Variants in NCKAP5 observed in about 807,000 individuals in gnomAD.
NCKAP5 encodes nck-associated protein 5.
NCKAP5 carries 92 observed loss-of-function variants against 167.0 expected under a neutral mutation model. The ratio of observed to expected loss-of-function variants is 0.55; its 90% CI spans 0.47 to 0.66. The LOEUF (loss-of-function observed/expected upper bound fraction) is 0.66, where lower values mean the gene tolerates loss of function less well. Ranked by LOEUF, NCKAP5 falls within the 30% of genes least tolerant of loss-of-function variation. The probability of loss-of-function intolerance (pLI) is 0.00; values close to 1 mark genes in which losing one functional copy is unlikely to be tolerated. For missense variants in NCKAP5, 2,378 were observed against 2,315.0 expected (o/e 1.03, Z -0.56); for synonymous variants, 891 against 877.4 (o/e 1.02, Z -0.27).
intron 6 of NCKAP5, among the ~76,000 whole-genome samples, chr2:133,001,726 T>C (rs2077789252): frequency 6.6e-6 from 1 of 152,192 alleles, no homozygotes. Flanking sequence ...TTTTCTGCTA[T>C]ACTGTTATCA....
intron 3 of NCKAP5, among the ~76,000 whole-genome samples, chr2:133,315,380 G>A (rs1681529204): frequency 6.6e-6 from 1 of 152,174 alleles, no homozygotes; most frequent in Non-Finnish European, 1.5e-5. Flanking sequence ...TTTGGGGCCT[G>A]AGCAGTTGGA....
intron 2 of NCKAP5, among the ~76,000 whole-genome samples, chr2:133,536,565 T>C (rs932073189): frequency 5.9e-5 from 9 of 152,112 alleles, no homozygotes; most frequent in Non-Finnish European, 2.9e-5. Flanking sequence ...TGAAGTCATG[T>C]AATGTGATAC....
Position 133,197,550 on chromosome 2 carries a change from T to C in NCKAP5, c.207+16166A>G, listed in dbSNP as rs80317032. Among the ~76,000 whole-genome samples, 383 of 151,842 alleles carry C rather than the reference T, an allele frequency of 2.5e-3. 2 individuals carry two copies. The highest frequency in any genetic ancestry group is 9.0e-3 in the African/African-American group (373 of 41,376). The stretch of plus-strand genomic sequence containing the variant: ...GAAGAACAGGGAAAATCTCAACTCA[T>C]GAGAAGAAAAGATCAACAGATAACA... On this transcript the variant is annotated intron_variant, in intron 5 of 19. Transcript: ENST00000409261.
Position 133,071,544 on chromosome 2 carries a change from T to C in NCKAP5, c.341+58434A>G, listed in dbSNP as rs140704504. 6.8e-4 allele frequency among the ~76,000 whole-genome samples: 104 copies of C among 152,362 alleles called. 2 individuals are homozygous for C. Among genetic ancestry groups the C allele is most frequent in the Non-Finnish European group, 1.1e-3 (78 of 68,024 alleles). Reference sequence around the variant, plus strand: ...CAGAAACTGTCAGTCTTTATATTATTCTTGCTAGTCAAATTCCACTTTCTA... The same window carrying C: ...CAGAAACTGTCAGTCTTTATATTATCCTTGCTAGTCAAATTCCACTTTCTA... On this transcript the variant is annotated intron_variant, in intron 6 of 19. Coordinates refer to ENST00000409261, the MANE Select transcript of NCKAP5 (RefSeq NM_207363.3).
At chr2:133,569,249 G>A (rs545906042), upstream of NCKAP5, among the ~76,000 whole-genome samples, 1 of 151,900 alleles carries the variant, frequency 6.6e-6, no homozygotes, top group South Asian at 2.1e-4. Flanking sequence ...TCTGTCCGTT[G>A]GTTCTTATAG....
chr2:133,559,621 T>C (rs866386732), intron 1 of NCKAP5, among the ~76,000 whole-genome samples: 2 of 152,310 alleles, frequency 1.3e-5, no homozygotes, highest in East Asian at 3.9e-4. Context: ...ACCCAGCTAC[T>C]GTTGAAATTA....
chr2:132,914,655 C>T lies in NCKAP5; in HGVS notation c.580-35739G>A, dbSNP rs555975179. ...TGAATGGGATCTTGTACCCCAGTAA[C>T]GTTAAAGGACTTCTGAATTCTATGA... On this transcript the variant is annotated intron_variant, in intron 8 of 19. Coordinates refer to ENST00000409261, the MANE Select transcript of NCKAP5 (RefSeq NM_207363.3). Among the ~76,000 whole-genome samples the T allele has an allele frequency of 1.6e-4, 24 of 152,074 alleles. No individual in the cohort carries two copies. In the South Asian group the frequency reaches 3.5e-3, roughly 22 times the overall value.
At chr2:132,677,442 GTCATTCAA>G (rs1338154040) in intron 19 of NCKAP5, among the ~76,000 whole-genome samples, 3 of 152,098 alleles carry the variant, frequency 2.0e-5, no homozygotes, top group Non-Finnish European at 4.4e-5. Flanking sequence ...TAGTCAAGCA[GTCATTCAA>G]TCAAACTAAT....
intron 6 of NCKAP5, among the ~76,000 whole-genome samples, chr2:133,017,682 C>T (rs963172251): frequency 4.6e-5 from 7 of 152,034 alleles, no homozygotes; most frequent in African/African-American, 7.2e-5. Context: ...TTGACAAATC[C>T]TCATGCATGC....
chr2:132,943,770 C>T (rs1290962440), intron 8 of NCKAP5, among the ~76,000 whole-genome samples: 1 of 152,168 alleles, frequency 6.6e-6, no homozygotes, highest in Non-Finnish European at 1.5e-5. Context: ...TCCACCCAAC[C>T]AGGTAAAACT....
chr2:132,852,088 C>T (rs2105487438), intron 11 of NCKAP5, among the ~76,000 whole-genome samples: 1 of 152,206 alleles, frequency 6.6e-6, no homozygotes, highest in Middle Eastern at 3.4e-3. Flanking sequence ...ACTTTCTGTC[C>T]CTTGCATTTC....
intron 5 of NCKAP5, among the ~76,000 whole-genome samples, chr2:133,193,254 G>A (rs2085304470): frequency 6.6e-6 from 1 of 152,086 alleles, no homozygotes. Flanking sequence ...AAGGGCATGG[G>A]GAGAAGGGGA....
intron 3 of NCKAP5, among the ~76,000 whole-genome samples, chr2:133,385,504 T>C (rs1686881270): frequency 6.6e-6 from 1 of 152,226 alleles, no homozygotes; most frequent in Non-Finnish European, 1.5e-5. Flanking sequence ...TGGTCTAAAA[T>C]TCTCTTTTTT....
intron 3 of NCKAP5, among the ~76,000 whole-genome samples, chr2:133,403,935 C>G (rs1425808448): frequency 6.6e-6 from 1 of 150,508 alleles, no homozygotes; most frequent in Non-Finnish European, 1.5e-5. Flanking sequence ...TTTCACCAGT[C>G]ATACCTGAGC....
intron 5 of NCKAP5, among the ~76,000 whole-genome samples, chr2:133,167,605 T>C (rs371674511): frequency 2.6e-4 from 39 of 152,228 alleles, no homozygotes; most frequent in African/African-American, 9.2e-4. Flanking sequence ...CGAACCCTGG[T>C]CTCCTGATTC....
the NCKAP5 span, among the ~76,000 whole-genome samples, chr2:133,594,903 TTC>T: frequency 2.2e-5 from 3 of 139,476 alleles, no homozygotes; most frequent in Non-Finnish European, 3.1e-5. Flanking sequence ...CATTCATTCA[TTC>T]GACAAACACA....
At chr2:133,389,431 C>G (rs1342424934) in intron 3 of NCKAP5, among the ~76,000 whole-genome samples, 1 of 152,134 alleles carries the variant, frequency 6.6e-6, no homozygotes, top group Non-Finnish European at 1.5e-5. Flanking sequence ...ACATAGGTAC[C>G]TGAGTTAGTC....
chr2:132,795,907 TA>T (rs67838303), intron 12 of NCKAP5, among the ~76,000 whole-genome samples: 71 of 143,060 alleles, frequency 5.0e-4, no homozygotes, highest in Non-Finnish European at 7.3e-4. Context: ...ACTCCATACT[TA>T]AAAAAAAAAA....
intron 3 of NCKAP5, among the ~76,000 whole-genome samples, chr2:133,500,758 T>C (rs1575067104): frequency 6.6e-6 from 1 of 152,240 alleles, no homozygotes; most frequent in African/African-American, 2.4e-5. Context: ...TTCAGGATCA[T>C]CTTTATACGT....
Sources: gnomAD v4.1 joint callset for allele counts (sites outside exome capture counted in the v4.1 genomes callset) on GRCh38, gnomAD v4.1.1 for gene constraint, MANE v1.5 for transcripts, NCBI Gene and HGNC (gene_info 2026-07-23, HGNC 2026-07-21) for gene names.